CLDN19: variants seen among roughly 807,000 people sequenced by gnomAD.
CLDN19 encodes the protein claudin-19.
Under a neutral mutation model 24.5 loss-of-function variants are expected in CLDN19, and 19 were observed. The observed-to-expected ratio is 0.78, with a 90% CI of 0.54 to 1.14. CLDN19 has a LOEUF of 1.14. Among genes scored for constraint, CLDN19 ranks in the 50% most tolerant of loss-of-function variants. The pLI is 0.00. For missense variants in CLDN19, 250 were observed against 295.9 expected, an observed-to-expected ratio of 0.84 and a Z score of 1.14; for synonymous variants, 117 against 129.6, an observed-to-expected ratio of 0.90 and a Z score of 0.66.
At position 42,739,972 on chromosome 1, in the gene CLDN19, T is replaced by C. The variant is rs780216494; in HGVS notation, c.92A>G (p.Lys31Arg). The C allele has an allele frequency of 6.3e-7, 1 of 1,597,870 alleles. No homozygotes were observed. The highest frequency in any genetic ancestry group is 2.3e-5 in the East Asian group (1 of 44,016). Residue 31 changes from lysine (K) to arginine (R), a missense_variant, in exon 1 of 5, where the codon AAG (lysine) becomes AGG (arginine). Lys to Arg is a conservative substitution (Grantham distance 26, BLOSUM62 2). Coordinates refer to ENST00000296387, the MANE Select transcript of CLDN19 (RefSeq NM_148960.3). Reference protein sequence around the residue: ...IIASTALPQWKQSSYAGDAII... With the variant: ...IIASTALPQWRQSSYAGDAII... ...GGCGTCGCCTGCGTAGGAAGACTGC[T>C]TCCACTGTGGCAGGGCTGTGCTAGC...
chr1:42,738,735 G>A (rs1651455974), intron 1 of CLDN19, 150 bp from the exon 2 acceptor site: 3 of 697,972 alleles, frequency 4.3e-6, no homozygotes, highest in Non-Finnish European at 7.4e-6. Context: ...GCAGGATAGT[G>A]AGGAGTGACA....
intron 3 of CLDN19, 23 bp downstream of exon 3, chr1:42,738,206 A>C: frequency 6.3e-7 from 1 of 1,597,450 alleles, no homozygotes; most frequent in Admixed American, 1.7e-5. Flanking sequence ...GGTAAAGCAA[A>C]AGACCCAAGC....
At chr1:42,738,102 GC>G (rs1369490932) in intron 3 of CLDN19, 126 bp downstream of exon 3, 2 of 859,298 alleles carry the variant, frequency 2.3e-6, no homozygotes, top group Non-Finnish European at 3.9e-6. Flanking sequence ...TCCTCCTGGC[GC>G]CCCCCTTTAA....
At position 42,739,665 on chromosome 1, in the gene CLDN19, C is replaced by T. The variant is rs560140735; in HGVS notation, c.223+176G>A. Among the ~76,000 whole-genome samples, 4 of 152,352 alleles carry T rather than the reference C, an allele frequency of 2.6e-5. No homozygotes were observed. The East Asian group carries it at 5.8e-4, about 22-fold the overall frequency. On this transcript the variant is annotated intron_variant, in intron 1 of 4. Coordinates refer to ENST00000296387, the MANE Select transcript of CLDN19 (RefSeq NM_148960.3). ...GCCAGACCCTAGAGCCCTCCCCTCC[C>T]ACAGGGCAGCAGGCTGGCCTGGACC...
At position 42,738,414 on chromosome 1, in the gene CLDN19, C is replaced by T; in HGVS notation, c.388+7G>A. ...GTTGTGATTGTGCAGGAGTGAGGGGCACTCACCTGCCAGGATGAAGAGGGC... is the reference window on the plus strand; with the variant it reads ...GTTGTGATTGTGCAGGAGTGAGGGGTACTCACCTGCCAGGATGAAGAGGGC... On this transcript the variant is annotated splice_region_variant and intron_variant, in intron 2 of 4. Transcript: ENST00000296387. 1 of 1,613,912 alleles carries T rather than the reference C, an allele frequency of 6.2e-7. No individual in the cohort carries two copies. The highest frequency in any genetic ancestry group is 8.5e-7 in the Non-Finnish European group (1 of 1,180,030).
At position 42,740,049 on chromosome 1, in the gene CLDN19, G is replaced by T. The variant is rs763498750; in HGVS notation, c.15C>A (p.Gly5=). MANS[G]LQLLGYFLAL... ...CCAAGAAGTAGCCCAGGAGCTGGAG[G>T]CCTGAGTTGGCCATGGCCCAGGAGA... is the stretch of plus-strand genomic sequence containing the variant. The change falls in exon 1 of 5, where the codon GGC becomes GGA. Residue 5 remains glycine, a synonymous_variant. Transcript: ENST00000296387. The T allele has an allele frequency of 1.1e-5, 17 of 1,554,308 alleles. No homozygotes were observed. In the Middle Eastern group the frequency reaches 5.0e-4, roughly 46 times the overall value.
At position 42,740,058 on chromosome 1, in the gene CLDN19, G is replaced by A; in HGVS notation, c.6C>T (p.Ala2=). M[A]NSGLQLLGYF... Reference sequence around the variant, plus strand: ...AGCCCAGGAGCTGGAGGCCTGAGTTGGCCATGGCCCAGGAGAGAGGACCGA... The same window carrying A: ...AGCCCAGGAGCTGGAGGCCTGAGTTAGCCATGGCCCAGGAGAGAGGACCGA... The change falls in exon 1 of 5, where the codon GCC becomes GCT. Residue 2 remains alanine (A), a synonymous_variant. Coordinates refer to ENST00000296387, the MANE Select transcript of CLDN19 (RefSeq NM_148960.3). 6.4e-7 allele frequency: 1 copy of A among 1,553,012 alleles called. No homozygotes were observed. The highest frequency in any genetic ancestry group is 8.7e-7 in the Non-Finnish European group (1 of 1,148,060).
At chr1:42,737,021 C>T (rs1651395373) in intron 3 of CLDN19, among the ~76,000 whole-genome samples, 1 of 152,194 alleles carries the variant, frequency 6.6e-6, no homozygotes, top group African/African-American at 2.4e-5. Context: ...AAAGCCCAGA[C>T]ATCTTTTCTC....
chr1:42,737,634 A>G (rs1372260520), intron 3 of CLDN19, among the ~76,000 whole-genome samples: 1 of 152,210 alleles, frequency 6.6e-6, no homozygotes, highest in Non-Finnish European at 1.5e-5. Flanking sequence ...GCACAGAAAG[A>G]TTAAGTAACT....
chr1:42,739,660 C>T (rs1168058914), intron 1 of CLDN19, among the ~76,000 whole-genome samples, 181 bp downstream of exon 1: 2 of 152,210 alleles, frequency 1.3e-5, no homozygotes, highest in South Asian at 2.1e-4. Context: ...AGAGCCCTCC[C>T]CTCCCACAGG....
At position 42,733,436 on chromosome 1, in the gene CLDN19, G is replaced by A. The variant is rs1209098870; in HGVS notation, c.*1650C>T. 1 of 152,354 alleles carries A rather than the reference G, an allele frequency of 6.6e-6. No homozygotes were observed. The highest frequency in any genetic ancestry group is 1.5e-5 in the Non-Finnish European group (1 of 68,192). 9.4% of individuals were successfully genotyped at this position (152,354 alleles called of 1,614,324 possible). On this transcript the variant is annotated 3_prime_UTR_variant, in exon 5 of 5. Transcript: ENST00000296387. ...AGACCTCACAGAGTCACCTGGGCTT[G>A]AGGCCTCATAGAGGAGCCCTCAGTG...
chr1:42,740,092 G>A lies in CLDN19; in HGVS notation c.-29C>T. ...CCAGGAGAGAGGACCGAGGGTCCCA[G>A]GACTCAGAGCTGGGCCAGGGTGCCA... On this transcript the variant is annotated 5_prime_UTR_variant, in exon 1 of 5. Coordinates refer to ENST00000296387, the MANE Select transcript of CLDN19 (RefSeq NM_148960.3). 1 of 1,531,172 alleles carries A rather than the reference G, an allele frequency of 6.5e-7. No individual in the cohort carries two copies. Among genetic ancestry groups the A allele is most frequent in the Non-Finnish European group, 8.8e-7 (1 of 1,132,096 alleles). 94.8% of individuals were successfully genotyped at this position (1,531,172 alleles called of 1,614,324 possible).
In CLDN19 at chr1:42,740,220, G is replaced by T; in HGVS notation, c.-157C>A. 1.5e-6 allele frequency: 1 copy of T among 688,738 alleles called. No homozygotes were observed. Among genetic ancestry groups the T allele is most frequent in the Admixed American group, 2.1e-5 (1 of 48,556 alleles). The allele number at this position is 688,738 out of a possible 1,614,324, so 42.7% of individuals were successfully genotyped here. ...AAGGAGAGGTGGTGCGGCGGCAGCGGCTGGAGCAAAGGCAGTGGCTCTGGA... is the reference window on the plus strand; with the variant it reads ...AAGGAGAGGTGGTGCGGCGGCAGCGTCTGGAGCAAAGGCAGTGGCTCTGGA... On this transcript the variant is annotated 5_prime_UTR_variant, in exon 1 of 5. Coordinates refer to ENST00000296387, the MANE Select transcript of CLDN19 (RefSeq NM_148960.3).
At chr1:42,736,741 G>T (rs186510719) in intron 3 of CLDN19, among the ~76,000 whole-genome samples, 1 of 152,304 alleles carries the variant, frequency 6.6e-6, no homozygotes, top group African/African-American at 2.4e-5. Context: ...TCAGCCCCTT[G>T]CTTGTCCGGC....
chr1:42,735,226 C>A, intron 4 of CLDN19, 92 bp from the exon 5 acceptor site: 1 of 1,583,684 alleles, frequency 6.3e-7, no homozygotes, highest in South Asian at 1.1e-5. Context: ...TGGGTACTGG[C>A]CAGCGTGGCC....
chr1:42,735,745 C>A, intron 4 of CLDN19, 133 bp downstream of exon 4: 1 of 1,491,646 alleles, frequency 6.7e-7, no homozygotes, highest in South Asian at 1.3e-5. Context: ...GTGTTGAGGA[C>A]AAGCTGCTCA....
Position 42,740,107 on chromosome 1 carries a change from C to A in CLDN19, c.-44G>T, listed in dbSNP as rs977202893. The A allele has an allele frequency of 6.1e-6, 9 of 1,464,392 alleles. No homozygotes were observed. In the East Asian group the frequency reaches 2.2e-4, roughly 36 times the overall value. The allele number at this position is 1,464,392 out of a possible 1,614,324, so 90.7% of individuals were successfully genotyped here. A position where few individuals can be genotyped will look rare whatever the true frequency, so the allele number is the denominator to read the frequency against. Reference sequence around the variant, plus strand: ...GAGGGTCCCAGGACTCAGAGCTGGGCCAGGGTGCCAGCAGGGGCTTTGGTC... The same window carrying A: ...GAGGGTCCCAGGACTCAGAGCTGGGACAGGGTGCCAGCAGGGGCTTTGGTC... On this transcript the variant is annotated 5_prime_UTR_variant, in exon 1 of 5. Coordinates refer to ENST00000296387, the MANE Select transcript of CLDN19 (RefSeq NM_148960.3).
chr1:42,738,530 C>T lies in CLDN19; in HGVS notation c.279G>A (p.Val93=). The T allele has an allele frequency of 6.2e-7, 1 of 1,613,966 alleles. No homozygotes were observed. The highest frequency in any genetic ancestry group is 1.6e-4 in the Middle Eastern group (1 of 6,062). Residue 93 remains valine (V), a synonymous_variant, in exon 2 of 5, where the codon GTG becomes GTA. Transcript: ENST00000296387. ...TGCCAACTACGCTGAGGACCATGGCCACGAAGCCCAGGAGCACGGCCACCA... is the reference window on the plus strand; with the variant it reads ...TGCCAACTACGCTGAGGACCATGGCTACGAAGCCCAGGAGCACGGCCACCA... ...LMVVAVLLGF[V]AMVLSVVGMK...
chr1:42,739,471 G>A (rs1256630882), intron 1 of CLDN19, among the ~76,000 whole-genome samples: 1 of 152,246 alleles, frequency 6.6e-6, no homozygotes, highest in Non-Finnish European at 1.5e-5. Flanking sequence ...CATACAGTGT[G>A]TGTCTGTCTA....
Sources: allele counts gnomAD v4.1 joint callset (sites outside exome capture counted in the v4.1 genomes callset), GRCh38; gene constraint gnomAD v4.1.1; transcripts MANE v1.5; gene names NCBI Gene and HGNC (gene_info 2026-07-23, HGNC 2026-07-21).